The following LAMA3 variants were observed in gnomAD, a reference collection of about 807,000 sequenced individuals.
The protein encoded by LAMA3 is laminin subunit alpha 3, also known as laminin subunit alpha-3.
LAMA3 carries 281 observed loss-of-function variants against 402.0 expected under a neutral mutation model. That is an observed-to-expected ratio of 0.70 (90% CI 0.63 to 0.77). The LOEUF (loss-of-function observed/expected upper bound fraction) is 0.77. LAMA3 is among the 30% of genes least tolerant of loss of function. The pLI, the probability that LAMA3 is intolerant of heterozygous loss-of-function variation, is 0.00. For missense variants in LAMA3, 3,840 were observed against 4,215.5 expected (o/e 0.91, Z 2.47); for synonymous variants, 1,431 against 1,558.4 (o/e 0.92, Z 1.93).
intron 67 of LAMA3, 67 bp downstream of exon 67, chr18:23,934,002 G>A: frequency 6.6e-7 from 1 of 1,504,524 alleles, no homozygotes; most frequent in South Asian, 1.1e-5. Flanking sequence ...CTGCCTTGTG[G>A]GAGATATTGG....
chr18:23,899,360 G>A lies in LAMA3; in HGVS notation c.5909G>A (p.Trp1970Ter). 1 of 1,614,076 alleles carries A rather than the reference G, an allele frequency of 6.2e-7. No homozygotes were observed. The highest frequency in any genetic ancestry group is 2.2e-5 in the East Asian group (1 of 44,886). Residue 1970 changes from tryptophan (W) to a stop codon, truncating the protein, a stop_gained, in exon 47 of 75, where the codon TGG becomes TAG. Transcript: ENST00000313654. LOFTEE classifies it high-confidence loss of function. Reference protein sequence around the residue: ...NVPSGDFSREWAEAQRMMREL... With the variant: ...NVPSGDFSRE ...CCTTCAGGTGACTTTTCCAGAGAGT[G>A]GGCTGAAGCCCAGCGCATGATGAGG...
At chr18:23,814,306 C>T in intron 14 of LAMA3, 97 bp from the exon 15 acceptor site, 1 of 953,374 alleles carries the variant, frequency 1.0e-6, no homozygotes, top group Non-Finnish European at 1.7e-6. Flanking sequence ...TTTTCATGAC[C>T]AAAATATGTT....
At position 23,845,008 on chromosome 18, in the gene LAMA3, G is replaced by GGTCC; in HGVS notation, c.3606_3609dup (p.Val1204ProfsTer11). 2.0e-6 allele frequency: 3 copies of GGTCC among 1,534,870 alleles called. No individual in the cohort carries two copies. The highest frequency in any genetic ancestry group is 1.8e-6 in the Non-Finnish European group (2 of 1,108,008). On this transcript the variant is annotated frameshift_variant and splice_region_variant. Transcript: ENST00000313654. LOFTEE classifies it high-confidence loss of function. ...AAGACATGCTGGTGGATTTCTTTCA[G>GGTCC]GTCCGTGTTCTAGTGGTGCCTGCAG...
chr18:23,695,833 A>AAAAAAAAAAG (rs2060676036), intron 1 of LAMA3, among the ~76,000 whole-genome samples: 2 of 129,428 alleles, frequency 1.5e-5, no homozygotes, highest in African/African-American at 5.5e-5. Context: ...AAAAAAAAAA[A>AAAAAAAAAAG]AAAGAAATAT....
chr18:23,865,339 G>A (rs1365042384), intron 36 of LAMA3, among the ~76,000 whole-genome samples: 4 of 152,124 alleles, frequency 2.6e-5, no homozygotes, highest in African/African-American at 7.2e-5. Flanking sequence ...ATCTCACTAT[G>A]TTGCCCAGGC....
intron 42 of LAMA3, among the ~76,000 whole-genome samples, chr18:23,891,641 G>T (rs1029773224): frequency 1.3e-5 from 2 of 152,206 alleles, no homozygotes; most frequent in Non-Finnish European, 2.9e-5. Context: ...AAGGATAAGG[G>T]TGTGGTCCTG....
chr18:23,912,985 G>A, intron 56 of LAMA3, 104 bp downstream of exon 56: 3 of 1,075,944 alleles, frequency 2.8e-6, no homozygotes, highest in South Asian at 1.3e-5. Context: ...TAGCACAGCA[G>A]GCAGAAATCC....
chr18:23,887,653 A>G (rs7227702), intron 41 of LAMA3, among the ~76,000 whole-genome samples: 5,269 of 152,306 alleles, frequency 0.035, 293 homozygotes, highest in African/African-American at 0.12. Context: ...TAACTACACA[A>G]TGATAAACAC....
chr18:23,894,543 TTCA>T (rs376199888), intron 43 of LAMA3, among the ~76,000 whole-genome samples, 195 bp downstream of exon 43: 16 of 152,290 alleles, frequency 1.1e-4, no homozygotes, highest in African/African-American at 3.9e-4. Flanking sequence ...AAGCCTCAGT[TTCA>T]TCATTTGCTA....
Position 23,819,926 on chromosome 18 carries a change from C to T in LAMA3, c.2233C>T (p.Arg745Ter), listed in dbSNP as rs192156286. ...CAGCACACCTAATGGGAGAGACCTT[C>T]GATTTGGATTTGATCCGCTGGCATT... ...DGSTPNGRDLRFGFDPLAFPE... is the reference protein window; with the variant it reads ...DGSTPNGRDL Residue 745 changes from arginine (R) to a stop codon, truncating the protein, a stop_gained, in exon 19 of 75, where the codon CGA (arginine) becomes TGA (stop). Coordinates refer to ENST00000313654, the MANE Select transcript of LAMA3 (RefSeq NM_198129.4). LOFTEE classifies it high-confidence loss of function. 85 of 1,614,072 alleles carry T rather than the reference C, an allele frequency of 5.3e-5. 2 individuals are homozygous for T. The East Asian group carries it at 5.6e-4, about 11-fold the overall frequency.
At chr18:23,719,099 C>T (rs927724697) in intron 2 of LAMA3, among the ~76,000 whole-genome samples, 1 of 152,322 alleles carries the variant, frequency 6.6e-6, no homozygotes, top group South Asian at 2.1e-4. Flanking sequence ...CCTTATGTTC[C>T]TCTCTTCCCA....
chr18:23,868,163 G>C (rs772814094), intron 37 of LAMA3, among the ~76,000 whole-genome samples: 6 of 152,048 alleles, frequency 3.9e-5, no homozygotes, highest in African/African-American at 2.4e-5. Context: ...TCAGCTTTCA[G>C]ATTTTCAGAT....
intron 68 of LAMA3, among the ~76,000 whole-genome samples, chr18:23,943,362 A>T (rs2082591284): frequency 6.6e-6 from 1 of 152,206 alleles, no homozygotes; most frequent in Non-Finnish European, 1.5e-5. Context: ...AGTTCTCGAG[A>T]TTGATTGTAC....
chr18:23,952,973 C>T lies in LAMA3; in HGVS notation c.9737-17C>T. 1 of 1,613,866 alleles carries T rather than the reference C, an allele frequency of 6.2e-7. No individual in the cohort carries two copies. Among genetic ancestry groups the T allele is most frequent in the East Asian group, 2.2e-5 (1 of 44,868 alleles). ...GCTCACCTCCGATGATAGACCTAAC[C>T]AGCCTCCTTTCCCCAGTCACCATAA... On this transcript the variant is annotated splice_polypyrimidine_tract_variant and intron_variant, in intron 73 of 74. Transcript: ENST00000313654.
intron 68 of LAMA3, among the ~76,000 whole-genome samples, chr18:23,942,604 G>C (rs1469043870): frequency 1.0e-4 from 14 of 140,546 alleles, no homozygotes; most frequent in Non-Finnish European, 1.7e-4. Flanking sequence ...TTTTTAGACA[G>C]AGCCGCTGTG....
chr18:23,807,036 A>T (rs1284155388), intron 12 of LAMA3, among the ~76,000 whole-genome samples: 1 of 152,184 alleles, frequency 6.6e-6, no homozygotes, highest in Non-Finnish European at 1.5e-5. Context: ...TAATAGTGAT[A>T]TTTTTGTGTA....
chr18:23,849,074 A>T (rs2063888512), intron 32 of LAMA3, among the ~76,000 whole-genome samples: 1 of 152,200 alleles, frequency 6.6e-6, no homozygotes, highest in Admixed American at 6.5e-5. Context: ...GTATAACCTC[A>T]TCTTAACTTA....
chr18:23,819,813 G>GT (rs2063248685), intron 18 of LAMA3, 28 bp from the exon 19 acceptor site: 7 of 1,606,294 alleles, frequency 4.4e-6, no homozygotes, highest in Non-Finnish European at 5.1e-6. Flanking sequence ...CTAACCTCCT[G>GT]TATGTGTTTA....
At chr18:23,720,329 G>A (rs2080569854) in intron 2 of LAMA3, among the ~76,000 whole-genome samples, 1 of 152,060 alleles carries the variant, frequency 6.6e-6, no homozygotes, top group African/African-American at 2.4e-5. Flanking sequence ...GAACAATTTT[G>A]CTATTAATAA....
Sources: allele counts gnomAD v4.1 joint callset (sites outside exome capture counted in the v4.1 genomes callset), GRCh38; gene constraint gnomAD v4.1.1; transcripts MANE v1.5; gene names NCBI Gene and HGNC (gene_info 2026-07-23, HGNC 2026-07-21).